C4orf50: variants seen among roughly 807,000 people sequenced by gnomAD.
C4orf50 encodes chromosome 4 open reading frame 50.
C4orf50 carries 80 observed loss-of-function variants against 77.2 expected under a neutral mutation model. The ratio of observed to expected loss-of-function variants is 1.04; its 90% confidence interval spans 0.87 to 1.25. C4orf50 has a LOEUF of 1.25. Ranked by LOEUF, C4orf50 falls within the 50% of genes most tolerant of loss-of-function variation. C4orf50 has a pLI of 0.00. For synonymous variants in C4orf50, 532 were observed against 465.3 expected (o/e 1.14, Z -1.84); for missense variants, 1,257 against 1,152.9 (o/e 1.09, Z -1.31).
At chr4:5,990,471 G>A (rs1262798503) in exon 28 of C4orf50, 2 of 399,928 alleles carry the variant, frequency 5.0e-6, no homozygotes, top group Non-Finnish European at 8.8e-6. Flanking sequence ...GGGCCTCGTG[G>A]AAGAGGGAGG....
rs113237440 is a variant in C4orf50 at position 5,992,974 on chromosome 4, G to A, written c.1094-44C>T. 7.5e-6 allele frequency: 3 copies of A among 398,538 alleles called. No homozygotes were observed. Among genetic ancestry groups the A allele is most frequent in the East Asian group, 7.1e-5 (2 of 28,034 alleles). 24.7% of individuals were successfully genotyped at this position (398,538 alleles called of 1,614,324 possible). On this transcript the variant is annotated intron_variant, in intron 26 of 33. Coordinates refer to ENST00000531445, the Ensembl canonical transcript of C4orf50. This position sits in a 1 kb window ranked among gnomAD's most constrained non-coding sequence, Gnocchi z 5.0. ...CTGGGGGTTACAAAGATGCTCCCAG[G>A]GGCTCTGCCATGATCGCCTCTAGGG...
intron 25 of C4orf50, among the ~76,000 whole-genome samples, chr4:6,005,305 C>T (rs1722204377): frequency 6.6e-6 from 1 of 152,204 alleles, no homozygotes; most frequent in Admixed American, 6.5e-5. Context: ...AGAAGTGTGA[C>T]TGTGCAGGCC....
chr4:5,988,864 G>C, exon 28 of C4orf50: 2 of 1,535,990 alleles, frequency 1.3e-6, no homozygotes, highest in Non-Finnish European at 8.7e-7. Flanking sequence ...GCCAAGCTCC[G>C]AGATCAGTGT....
chr4:5,966,198 G>A (rs1307794892), intron 32 of C4orf50, among the ~76,000 whole-genome samples: 3 of 152,176 alleles, frequency 2.0e-5, no homozygotes, highest in South Asian at 2.1e-4. Flanking sequence ...AAAGTAGGCC[G>A]GGTGCAGTGG....
chr4:5,987,112 G>A (rs1218487087), intron 28 of C4orf50, among the ~76,000 whole-genome samples: 1 of 152,040 alleles, frequency 6.6e-6, no homozygotes, highest in African/African-American at 2.4e-5. Context: ...AAGAAAGTGG[G>A]AGAAAGAATA....
chr4:5,955,182 C>A (rs1351906585), downstream of C4orf50, among the ~76,000 whole-genome samples: 2 of 152,300 alleles, frequency 1.3e-5, no homozygotes, highest in South Asian at 2.1e-4. The surrounding 1 kb of genome is among the most constrained non-coding windows in gnomAD (Gnocchi z 5.1). Context: ...GGCGGCACTT[C>A]CATAGCTCTA....
chr4:5,926,844 C>A (rs959312692), intron 7 of C4orf50, among the ~76,000 whole-genome samples: 7 of 152,202 alleles, frequency 4.6e-5, no homozygotes, highest in Non-Finnish European at 8.8e-5. Context: ...GAGGGGGAAC[C>A]AAAGTGGCTC....
Position 5,935,807 on chromosome 4 carries a change from A to AAAAAAC in C4orf50, c.*2474+21093_*2474+21094insGTTTTT, listed in dbSNP as rs1308157183. Among the ~76,000 whole-genome samples, 576 of 145,426 alleles carry AAAAAAC rather than the reference A, an allele frequency of 4.0e-3. 17 individuals are homozygous for AAAAAAC. The highest frequency in any genetic ancestry group is 8.1e-3 in the African/African-American group (299 of 36,694). ...TCTAAAAAAAAAAAAAAAAAAAAAA[A>AAAAAAC]AAAGCCCCAGAGGCCAACATTACAA... On this transcript the variant is annotated intron_variant, in intron 7 of 7. Coordinates refer to the C4orf50 transcript ENST00000324058.
chr4:5,988,455 A>G, exon 28 of C4orf50: 1 of 1,583,834 alleles, frequency 6.3e-7, no homozygotes. Context: ...CTCCACTGAC[A>G]TTTCCTTGCA....
intron 32 of C4orf50, among the ~76,000 whole-genome samples, chr4:5,966,789 A>G (rs1394350103): frequency 6.6e-6 from 1 of 151,724 alleles, no homozygotes; most frequent in Non-Finnish European, 1.5e-5. Flanking sequence ...AGCTGGGACT[A>G]CAAGCATGCG....
chr4:5,985,271 G>T (rs1419011284), intron 28 of C4orf50, among the ~76,000 whole-genome samples: 1 of 152,056 alleles, frequency 6.6e-6, no homozygotes, highest in African/African-American at 2.4e-5. Context: ...AGCCACAGAA[G>T]AGTAAGAAAG....
At position 5,992,033 on chromosome 4, in the gene C4orf50, T is replaced by C. The variant is rs1721321117; in HGVS notation, c.1221+770A>G. ...AGAGACCTGGCTTCAATCCTGGGTGTGACCTTGAGCAAGTTCCTTAACCTG... is the reference window on the plus strand; with the variant it reads ...AGAGACCTGGCTTCAATCCTGGGTGCGACCTTGAGCAAGTTCCTTAACCTG... On this transcript the variant is annotated intron_variant, in intron 27 of 33. Coordinates refer to ENST00000531445, the Ensembl canonical transcript of C4orf50. The surrounding 1 kb of genome is among the most constrained non-coding windows in gnomAD (Gnocchi z 5.0). Among the ~76,000 whole-genome samples, 1 of 152,172 alleles carries C rather than the reference T, an allele frequency of 6.6e-6. No individual in the cohort carries two copies. The highest frequency in any genetic ancestry group is 2.1e-4 in the South Asian group (1 of 4,822).
At chr4:5,976,241 C>T (rs191150500) in intron 29 of C4orf50, among the ~76,000 whole-genome samples, 1,855 of 151,410 alleles carry the variant, frequency 0.012, 25 homozygotes, top group African/African-American at 0.031. Context: ...GTCAGGAGAT[C>T]GAGACCATCC....
chr4:5,912,596 T>C lies in C4orf50; in HGVS notation c.*2475-14408A>G, dbSNP rs148862755. 7.2e-5 allele frequency among the ~76,000 whole-genome samples: 11 copies of C among 152,286 alleles called. No homozygotes were observed. In the East Asian group the frequency reaches 1.7e-3, roughly 24 times the overall value. Reference sequence around the variant, plus strand: ...ATTTTGTTTTAATAGGGTATGGTAATGTGACAGACATAGAGACAACTGTGT... The same window carrying C: ...ATTTTGTTTTAATAGGGTATGGTAACGTGACAGACATAGAGACAACTGTGT... On this transcript the variant is annotated intron_variant, in intron 7 of 7. Transcript: ENST00000324058.
chr4:6,013,323 C>G (rs1217365070), intron 23 of C4orf50, among the ~76,000 whole-genome samples: 1 of 152,154 alleles, frequency 6.6e-6, no homozygotes, highest in Non-Finnish European at 1.5e-5. Context: ...AGGCTGAGCA[C>G]TTTCCGATGA....
At chr4:5,921,677 G>C (rs1717279768) in intron 7 of C4orf50, among the ~76,000 whole-genome samples, 1 of 152,130 alleles carries the variant, frequency 6.6e-6, no homozygotes, top group Admixed American at 6.5e-5. Context: ...AGGAGGAGGA[G>C]GGGACACTCG....
At chr4:5,940,690 G>C (rs6842718) in intron 7 of C4orf50, among the ~76,000 whole-genome samples, 64,633 of 152,036 alleles carry the variant, frequency 0.43, 15,801 homozygotes, top group Non-Finnish European at 0.55. Context: ...GTGGAGTCTG[G>C]TTCTCCACAC....
At chr4:5,990,123 G>T (rs1446072577) in exon 28 of C4orf50, 1 of 1,271,998 alleles carries the variant, frequency 7.9e-7, no homozygotes, top group African/African-American at 1.5e-5. Flanking sequence ...TCCTGCTCAG[G>T]GATTCGGGAC....
At chr4:5,993,238 G>T (rs58220785) in intron 26 of C4orf50, among the ~76,000 whole-genome samples, 2 of 152,172 alleles carry the variant, frequency 1.3e-5, no homozygotes. Flanking sequence ...ATCCTCATCT[G>T]TCAAACAGGG....
Sources: allele counts gnomAD v4.1 joint callset (sites outside exome capture counted in the v4.1 genomes callset), GRCh38; gene constraint gnomAD v4.1.1; non-coding constraint Gnocchi (gnomAD v3.1); transcripts MANE v1.5; gene names NCBI Gene and HGNC (gene_info 2026-07-23, HGNC 2026-07-21).